UTRN: variants seen among roughly 807,000 people sequenced by gnomAD.
UTRN encodes the protein utrophin.
UTRN carries 283 observed loss-of-function variants against 463.9 expected under a neutral mutation model. The ratio of observed to expected loss-of-function variants is 0.61; its 90% CI spans 0.55 to 0.67. The LOEUF is 0.67. UTRN is among the 30% of genes least tolerant of loss of function. The pLI, the probability that UTRN is intolerant of heterozygous loss-of-function variation, is 0.00. For missense variants in UTRN, 3,922 were observed against 4,084.3 expected (o/e 0.96, Z 1.08); for synonymous variants, 1,442 against 1,431.5 (o/e 1.01, Z -0.17).
At chr6:144,322,111 T>G (rs551501412) in intron 2 of UTRN, among the ~76,000 whole-genome samples, 1 of 152,284 alleles carries the variant, frequency 6.6e-6, no homozygotes, top group South Asian at 2.1e-4. Flanking sequence ...AGCCTCTAAC[T>G]CCAAGCAAAT....
intron 2 of UTRN, among the ~76,000 whole-genome samples, chr6:144,365,473 C>T (rs1296072308): frequency 6.6e-6 from 1 of 152,168 alleles, no homozygotes; most frequent in Non-Finnish European, 1.5e-5. Flanking sequence ...TAGGATTCTC[C>T]ACTTTTCACA....
rs765445488 is a variant in UTRN at position 144,482,381 on chromosome 6, C to T, written c.3680C>T (p.Thr1227Met). 19 of 1,558,260 alleles carry T rather than the reference C, an allele frequency of 1.2e-5. No homozygotes were observed. The highest frequency in any genetic ancestry group is 7.0e-5 in the African/African-American group (5 of 71,336). Residue 1227 changes from threonine to methionine, a missense_variant, in exon 27 of 75, where the codon ACG becomes ATG. By Grantham distance (81) the Thr-to-Met change is moderately conservative (BLOSUM62 -1). Around this residue, in one of 3 missense-constraint regions of UTRN, gnomAD observed 2,349 missense variants for 2,303.8 expected, o/e 1.02. Transcript: ENST00000367545. Reference protein sequence around the residue: ...LCNRIRGKCHTLEEVWSCWIE... With the variant: ...LCNRIRGKCHMLEEVWSCWIE... ...AATAGAATTCGAGGAAAGTGCCACA[C>T]GCTAGAGGTATGCTATTATTATTAT...
rs1269454721 is a variant in UTRN, at chr6:144,487,685, T to C, written c.3960T>C (p.Asp1320=). 6.2e-7 allele frequency: 1 copy of C among 1,612,150 alleles called. No homozygotes were observed. Among genetic ancestry groups the C allele is most frequent in the Non-Finnish European group, 8.5e-7 (1 of 1,178,926 alleles). ...AGGCTTTCAACAGCCGATATGAAGA[T>C]CTAAGTCACCTGGTAAGAGTTGGGA... is the stretch of plus-strand genomic sequence containing the variant. ...KLEAFNSRYE[D]LSHLAESKQI... The change falls in exon 29 of 75, where the codon GAT becomes GAC. Residue 1320 remains aspartate, a synonymous_variant. Coordinates refer to ENST00000367545, the MANE Select transcript of UTRN (RefSeq NM_007124.3).
rs190640785 is a variant in UTRN at position 144,557,467 on chromosome 6, T to C, written c.7289+156T>C. Among the ~76,000 whole-genome samples the C allele has an allele frequency of 3.2e-4, 48 of 152,356 alleles. No individual in the cohort carries two copies. The East Asian group carries it at 8.1e-3, about 26-fold the overall frequency. ...GTGATGTTCTGAGTTAGTATTATCATACTTAGTACAGAATGTATGCTTATA... is the reference window on the plus strand; with the variant it reads ...GTGATGTTCTGAGTTAGTATTATCACACTTAGTACAGAATGTATGCTTATA... On this transcript the variant is annotated intron_variant, in intron 50 of 74. Coordinates refer to ENST00000367545, the MANE Select transcript of UTRN (RefSeq NM_007124.3).
intron 2 of UTRN, among the ~76,000 whole-genome samples, chr6:144,361,950 AT>A (rs201339192): frequency 1.3e-4 from 20 of 151,154 alleles, no homozygotes; most frequent in African/African-American, 4.9e-4. Context: ...AATTCCTGGA[AT>A]TTTTTTTTCC....
intron 2 of UTRN, among the ~76,000 whole-genome samples, chr6:144,340,315 G>A (rs938845101): frequency 1.3e-5 from 2 of 152,206 alleles, no homozygotes; most frequent in Non-Finnish European, 2.9e-5. Flanking sequence ...AGGTATAGTT[G>A]TATTAGTTAG....
chr6:144,551,117 C>T, intron 48 of UTRN, 35 bp downstream of exon 48: 1 of 1,414,888 alleles, frequency 7.1e-7, no homozygotes, highest in Non-Finnish European at 9.7e-7. Context: ...TATTATCATC[C>T]ACTTTCCCTG....
At chr6:144,554,561 A>G in intron 48 of UTRN, 127 bp from the exon 49 acceptor site, 1 of 934,154 alleles carries the variant, frequency 1.1e-6, no homozygotes, top group Non-Finnish European at 1.6e-6. Context: ...TTCCTTCAAA[A>G]TGTGTTTATC....
intron 60 of UTRN, among the ~76,000 whole-genome samples, chr6:144,777,978 G>T (rs375531736): frequency 2.2e-4 from 34 of 152,142 alleles, no homozygotes; most frequent in African/African-American, 7.2e-4. Context: ...ATTCCTTTCG[G>T]TTTTTTTCCT....
At position 144,531,162 on chromosome 6, in the gene UTRN, G is replaced by A; in HGVS notation, c.6017G>A (p.Gly2006Asp). 1.2e-6 allele frequency: 2 copies of A among 1,613,986 alleles called. No homozygotes were observed. Among genetic ancestry groups the A allele is most frequent in the African/African-American group, 1.3e-5 (1 of 75,036 alleles). ...EELLVDTCAP[G>D]GSLDLEKARI... ...TTACTGGTTGATACCTGTGCTCCAGGTGGCAGCCTGGACTTAGAGAAAGCC... is the reference window on the plus strand; with the variant it reads ...TTACTGGTTGATACCTGTGCTCCAGATGGCAGCCTGGACTTAGAGAAAGCC... Residue 2006 changes from glycine to aspartate, a missense_variant, in exon 42 of 75, where the codon GGT becomes GAT. By Grantham distance (94) the Gly-to-Asp change is moderately conservative. This residue lies in a region of UTRN where 2,349 missense variants were observed against 2,303.8 expected (regional missense o/e 1.02). Transcript: ENST00000367545.
At chr6:144,741,360 T>G (rs1445041633) in intron 54 of UTRN, among the ~76,000 whole-genome samples, 1 of 152,162 alleles carries the variant, frequency 6.6e-6, no homozygotes, top group Non-Finnish European at 1.5e-5. Flanking sequence ...AATCTAAAAC[T>G]CCTGTCCTTT....
intron 25 of UTRN, among the ~76,000 whole-genome samples, chr6:144,476,703 C>T (rs982196477): frequency 2.6e-5 from 4 of 152,092 alleles, no homozygotes; most frequent in African/African-American, 9.7e-5. Flanking sequence ...CTGAGGATTG[C>T]AGGGGCCAAT....
At chr6:144,298,542 C>T (rs2114525342) in intron 2 of UTRN, among the ~76,000 whole-genome samples, 1 of 152,252 alleles carries the variant, frequency 6.6e-6, no homozygotes, top group Admixed American at 6.5e-5. Flanking sequence ...TTAAGGTTTA[C>T]AGTGGTATAA....
chr6:144,769,171 A>G (rs1476088647), intron 58 of UTRN, among the ~76,000 whole-genome samples: 1 of 151,220 alleles, frequency 6.6e-6, no homozygotes, highest in Non-Finnish European at 1.5e-5. Context: ...TTGGTTGCCT[A>G]CTCTGGGAGA....
intron 2 of UTRN, chr6:144,398,568 A>AT: frequency 4.2e-6 from 1 of 236,038 alleles, no homozygotes; most frequent in Non-Finnish European, 8.4e-6. Context: ...CCAGGTTATT[A>AT]TGAAGAAGCA....
At chr6:144,295,810 T>G (rs1285927511) in intron 2 of UTRN, among the ~76,000 whole-genome samples, 2 of 152,206 alleles carry the variant, frequency 1.3e-5, no homozygotes, top group Non-Finnish European at 2.9e-5. Flanking sequence ...ACCGCCATTT[T>G]GCAGATGATA....
At chr6:144,679,653 G>A (rs1005122890) in intron 52 of UTRN, among the ~76,000 whole-genome samples, 2 of 152,128 alleles carry the variant, frequency 1.3e-5, no homozygotes, top group Admixed American at 6.6e-5. Flanking sequence ...TGTAAATCCT[G>A]CCTAAGAAAG....
At position 144,493,462 on chromosome 6, in the gene UTRN, G is replaced by C. The variant is rs1467423619; in HGVS notation, c.4593+6G>C. On this transcript the variant is annotated splice_donor_region_variant and intron_variant, in intron 33 of 74. Coordinates refer to ENST00000367545, the MANE Select transcript of UTRN (RefSeq NM_007124.3). ...ACAATGACCTGGGCGCACAGGTGAGGAGAGCAGCCCCACAGCTCATCTCTC... is the reference window on the plus strand; with the variant it reads ...ACAATGACCTGGGCGCACAGGTGAGCAGAGCAGCCCCACAGCTCATCTCTC... 4 of 1,612,702 alleles carry C rather than the reference G, an allele frequency of 2.5e-6. No individual in the cohort carries two copies. The East Asian group carries it at 6.7e-5, about 27-fold the overall frequency.
chr6:144,803,126 A>G lies in UTRN; in HGVS notation c.9336A>G (p.Pro3112=). The change falls in exon 65 of 75, where the codon CCA becomes CCG. Residue 3112 remains proline (P), a synonymous_variant. Transcript: ENST00000367545. ...RTAKGHKLHY[P]MVEYCIPTTS... ...CAAAAGGTCACAAATTACATTACCC[A>G]ATGGTGGAATATTGTATACCTGTGA... is the stretch of plus-strand genomic sequence containing the variant. 1 of 1,589,948 alleles carries G rather than the reference A, an allele frequency of 6.3e-7. No homozygotes were observed. Among genetic ancestry groups the G allele is most frequent in the Non-Finnish European group, 8.6e-7 (1 of 1,168,776 alleles).
Sources: gnomAD v4.1 joint callset for allele counts (sites outside exome capture counted in the v4.1 genomes callset) on GRCh38, gnomAD v4.1.1 for gene constraint, gnomAD v4.1.1 regional missense constraint, MANE v1.5 for transcripts, NCBI Gene and HGNC (gene_info 2026-07-23, HGNC 2026-07-21) for gene names.